OPTN: variants seen among roughly 807,000 people sequenced by gnomAD.
The protein encoded by OPTN is optineurin.
A neutral mutation model predicts 70.4 loss-of-function variants in OPTN; 54 were observed. That is an observed-to-expected ratio of 0.77 (90% CI 0.62 to 0.96). The LOEUF is 0.96. Among genes scored for constraint, OPTN ranks in the 40% least tolerant of loss-of-function variants. The probability of loss-of-function intolerance (pLI) is 0.00; values close to 1 mark genes in which losing one functional copy is unlikely to be tolerated. For missense variants in OPTN, 624 were observed against 673.2 expected (o/e 0.93, Z 0.81); for synonymous variants, 256 against 248.5 (o/e 1.03, Z -0.28).
At chr10:13,103,831 C>G (rs1372284131) in intron 1 of OPTN, among the ~76,000 whole-genome samples, 2 of 152,122 alleles carry the variant, frequency 1.3e-5, no homozygotes, top group Non-Finnish European at 2.9e-5. Flanking sequence ...GGCCATCCAT[C>G]TACTAGGCAG....
chr10:13,136,657 A>T (rs995079794), intron 14 of OPTN, 88 bp from the exon 15 acceptor site: 28 of 1,524,220 alleles, frequency 1.8e-5, no homozygotes, highest in Non-Finnish European at 2.4e-5. Flanking sequence ...AGTTGAACTG[A>T]TGTTAAAACT....
intron 14 of OPTN, among the ~76,000 whole-genome samples, chr10:13,136,375 G>T (rs1194768569): frequency 1.3e-5 from 2 of 151,824 alleles, no homozygotes; most frequent in Non-Finnish European, 2.9e-5. Flanking sequence ...GGGCGTGGTG[G>T]CGCGCACCTG....
chr10:13,104,262 T>TC (rs1323718587), intron 1 of OPTN, among the ~76,000 whole-genome samples: 2 of 134,954 alleles, frequency 1.5e-5, no homozygotes, highest in African/African-American at 5.5e-5. Context: ...TTCTTTTTTT[T>TC]TTTTTTTTTT....
rs531453175 is a variant in OPTN at position 13,133,535 on chromosome 10, G to A, written c.1566G>A (p.Gly522=). ...TGATGGAGATGCAGAGTCGTCATGG[G>A]GCGAGAACAAGTGACTCTGACCAGC... ...QSLMEMQSRH[G]ARTSDSDQQA... Residue 522 remains glycine, a synonymous_variant, in exon 14 of 15, where the codon GGG becomes GGA. Transcript: ENST00000378747. The A allele has an allele frequency of 1.2e-6, 2 of 1,614,084 alleles. No individual in the cohort carries two copies. The highest frequency in any genetic ancestry group is 2.7e-5 in the African/African-American group (2 of 74,998).
At chr10:13,134,283 T>C (rs1248741689) in intron 14 of OPTN, among the ~76,000 whole-genome samples, 1 of 152,220 alleles carries the variant, frequency 6.6e-6, no homozygotes, top group African/African-American at 2.4e-5. Context: ...AGTGACCTCT[T>C]ACCCCATCTT....
intron 4 of OPTN, among the ~76,000 whole-genome samples, chr10:13,111,433 C>T (rs1461622295): frequency 6.6e-6 from 1 of 152,130 alleles, no homozygotes; most frequent in African/African-American, 2.4e-5. Flanking sequence ...CACGGTGGCT[C>T]ACACCTGTAA....
chr10:13,108,903 T>TGTGC (rs1554768218), intron 2 of OPTN: 7 of 477,440 alleles, frequency 1.5e-5, no homozygotes, highest in African/African-American at 1.5e-4. Context: ...CATGCACACA[T>TGTGC]GCGCGTGCAC....
At chr10:13,105,347 A>G (rs909998199) in intron 1 of OPTN, among the ~76,000 whole-genome samples, 5 of 152,196 alleles carry the variant, frequency 3.3e-5, no homozygotes, top group Non-Finnish European at 7.3e-5. Context: ...TCTAGAAACT[A>G]AAGAATATTT....
Position 13,122,506 on chromosome 10 carries a change from C to T in OPTN, c.882+19C>T, listed in dbSNP as rs2277219. The T allele has an allele frequency of 1.4e-4, 211 of 1,495,050 alleles. No homozygotes were observed. The East Asian group carries it at 3.3e-3, about 23-fold the overall frequency. The allele number at this position is 1,495,050 out of a possible 1,614,324, so 92.6% of individuals were successfully genotyped here. A position where few individuals can be genotyped will look rare whatever the true frequency, so the allele number is the denominator to read the frequency against. ...GGAGACTGTGAGTCCTAAGATTCCA[C>T]GGCCACTACCACACCCACACACACG... On this transcript the variant is annotated intron_variant, in intron 8 of 14. Coordinates refer to ENST00000378747, the MANE Select transcript of OPTN (RefSeq NM_001008212.2).
Position 13,116,184 on chromosome 10 carries a change from A to G in OPTN, c.553-83A>G. On this transcript the variant is annotated intron_variant, in intron 5 of 14. Coordinates refer to ENST00000378747, the MANE Select transcript of OPTN (RefSeq NM_001008212.2). ...CTTGGGTTGCATGTCACAAAAATTCATCTTTTGTCTTTTTCTTCTTTTGAC... is the reference window on the plus strand; with the variant it reads ...CTTGGGTTGCATGTCACAAAAATTCGTCTTTTGTCTTTTTCTTCTTTTGAC... The G allele has an allele frequency of 5.1e-6, 5 of 975,746 alleles. No homozygotes were observed. In the South Asian group the frequency reaches 6.6e-5, roughly 13 times the overall value. 60.4% of individuals were successfully genotyped at this position (975,746 alleles called of 1,614,324 possible).
intron 13 of OPTN, among the ~76,000 whole-genome samples, chr10:13,132,541 G>A (rs551148806): frequency 2.0e-4 from 31 of 151,662 alleles, no homozygotes; most frequent in African/African-American, 7.3e-4. Flanking sequence ...TTTGAGGCAG[G>A]GTCTCACTCC....
intron 14 of OPTN, among the ~76,000 whole-genome samples, chr10:13,135,427 C>T (rs1419902300): frequency 1.3e-5 from 2 of 151,750 alleles, no homozygotes; most frequent in African/African-American, 4.8e-5. Flanking sequence ...CCTGTTCATT[C>T]TCAAGGCCCC....
rs532902215 is a variant in OPTN, at chr10:13,128,705, G to T, written c.1401+802G>T. 5.7e-4 allele frequency among the ~76,000 whole-genome samples: 87 copies of T among 151,344 alleles called. 1 individual carries two copies. The highest frequency in any genetic ancestry group is 3.4e-3 in the Middle Eastern group (1 of 290). Reference sequence around the variant, plus strand: ...CTACAGGCATGTGCCAACATGCCTGGCTAATTTTTGTATTTTTAGTAGAGA... The same window carrying T: ...CTACAGGCATGTGCCAACATGCCTGTCTAATTTTTGTATTTTTAGTAGAGA... On this transcript the variant is annotated intron_variant, in intron 12 of 14. Transcript: ENST00000378747.
At chr10:13,121,768 A>G (rs1242629065) in intron 7 of OPTN, among the ~76,000 whole-genome samples, 1 of 151,950 alleles carries the variant, frequency 6.6e-6, no homozygotes, top group African/African-American at 2.4e-5. Context: ...TTTTCCTACT[A>G]TTATTTCCTC....
chr10:13,106,510 G>C (rs559830739), intron 1 of OPTN, among the ~76,000 whole-genome samples: 1 of 152,162 alleles, frequency 6.6e-6, no homozygotes, highest in African/African-American at 2.4e-5. Context: ...TTTCTGCTTC[G>C]TAAGATTGCC....
At chr10:13,125,694 C>T (rs1833443152) in intron 10 of OPTN, 127 bp downstream of exon 10, 1 of 1,085,188 alleles carries the variant, frequency 9.2e-7, no homozygotes, top group East Asian at 2.5e-5. Flanking sequence ...TGAAGGAGTC[C>T]TAGCAGACCT....
intron 2 of OPTN, 51 bp from the exon 3 acceptor site, chr10:13,109,061 C>T: frequency 1.3e-6 from 2 of 1,570,424 alleles, no homozygotes. Context: ...TCCCGGGGAC[C>T]CCTTGTGGGG....
At chr10:13,115,985 C>T (rs1833198903) in intron 5 of OPTN, among the ~76,000 whole-genome samples, 2 of 152,080 alleles carry the variant, frequency 1.3e-5, no homozygotes, top group Admixed American at 1.3e-4. Context: ...AGCAGATAAG[C>T]TTTCATGTTT....
intron 6 of OPTN, among the ~76,000 whole-genome samples, chr10:13,117,439 G>GTTTTTTTT (rs1168488076): frequency 3.1e-5 from 1 of 32,746 alleles, no homozygotes; most frequent in Non-Finnish European, 5.3e-5. Context: ...TTGAGATGGA[G>GTTTTTTTT]TTTTTTTTTT....
Sources: allele counts gnomAD v4.1 joint callset (sites outside exome capture counted in the v4.1 genomes callset), GRCh38; gene constraint gnomAD v4.1.1; transcripts MANE v1.5; gene names NCBI Gene and HGNC (gene_info 2026-07-23, HGNC 2026-07-21).